The following ZDHHC11B variants were observed in gnomAD, a reference collection of about 807,000 sequenced individuals.
The protein encoded by ZDHHC11B is probable palmitoyltransferase ZDHHC11B.
In ZDHHC11B, 17 loss-of-function variants were observed where a neutral mutation model predicts 42.3. The ratio of observed to expected loss-of-function variants is 0.40; its 90% CI spans 0.27 to 0.60. The LOEUF is 0.60. ZDHHC11B is among the 20% of genes least tolerant of loss of function. The pLI is 0.41. For missense variants in ZDHHC11B, 262 were observed against 463.2 expected (o/e 0.57, Z 3.99); for synonymous variants, 123 against 193.5 (o/e 0.64, Z 3.02).
At position 761,953 on chromosome 5, in the gene ZDHHC11B, C is replaced by T. The variant is rs550090855; in HGVS notation, c.222+4745G>A. Among the ~76,000 whole-genome samples the T allele has an allele frequency of 6.4e-4, 90 of 141,510 alleles. 1 individual carries two copies. The highest frequency in any genetic ancestry group is 2.2e-3 in the African/African-American group (83 of 37,044). 92.8% of individuals were successfully genotyped at this position (141,510 alleles called of 152,430 possible). A position where few individuals can be genotyped will look rare whatever the true frequency, so the allele number is the denominator to read the frequency against. ...CACTCAACTCACAGCCCTGGGCAGC[C>T]ACTCACAGTCCTGGCTGGCCACTCA... On this transcript the variant is annotated intron_variant, in intron 4 of 13. Transcript: ENST00000508859.
chr5:775,640 G>A (rs1736411373), intron 1 of ZDHHC11B, among the ~76,000 whole-genome samples: 1 of 150,820 alleles, frequency 6.6e-6, no homozygotes, highest in Non-Finnish European at 1.5e-5. Flanking sequence ...GATGACAATG[G>A]GTTCCCTGGT....
intron 4 of ZDHHC11B, among the ~76,000 whole-genome samples, chr5:763,911 G>C (rs1210967399): frequency 2.0e-5 from 3 of 151,880 alleles, no homozygotes; most frequent in African/African-American, 4.8e-5. Flanking sequence ...TATAAAACAA[G>C]GTTAGCAAAA....
chr5:766,677 A>T, intron 4 of ZDHHC11B, 21 bp downstream of exon 4: 1 of 1,592,936 alleles, frequency 6.3e-7, no homozygotes, highest in South Asian at 1.1e-5. Context: ...CGCTTAGACC[A>T]TGCCACGATG....
chr5:721,184 G>A (rs1742155872), intron 12 of ZDHHC11B, among the ~76,000 whole-genome samples: 2 of 151,374 alleles, frequency 1.3e-5, no homozygotes, highest in Non-Finnish European at 1.5e-5. Context: ...TAACCACTAG[G>A]AAGATAATTA....
At chr5:771,896 C>A (rs2150234414) in intron 1 of ZDHHC11B, among the ~76,000 whole-genome samples, 1 of 147,558 alleles carries the variant, frequency 6.8e-6, no homozygotes, top group East Asian at 2.0e-4. Flanking sequence ...CCCGTGGGGC[C>A]CGCCTGGGAG....
In ZDHHC11B at chr5:766,204, C is replaced by G. The variant is rs527575496; in HGVS notation, c.222+494G>C. 5.9e-5 allele frequency among the ~76,000 whole-genome samples: 9 copies of G among 151,966 alleles called. No homozygotes were observed. The East Asian group carries it at 1.7e-3, about 29-fold the overall frequency. On this transcript the variant is annotated intron_variant, in intron 4 of 13. Transcript: ENST00000508859. ...GATGGGAGCAGACATGAGTCCCCGC[C>G]TGATGGGAGGTGAGAGCAGATGCAG...
rs1561192359 is a variant in ZDHHC11B at position 767,374 on chromosome 5, C to G, written c.-1+18G>C. ...GAAGCTGGACAGCAGCCAAGGGCTC[C>G]CCGGGGCCAACACCTGCCTCGGCGC... On this transcript the variant is annotated intron_variant, in intron 3 of 13. Transcript: ENST00000508859. The G allele has an allele frequency of 3.2e-6, 5 of 1,563,928 alleles. No individual in the cohort carries two copies. In the African/African-American group the frequency reaches 6.8e-5, roughly 21 times the overall value.
At chr5:722,957 T>A (rs888432387) in intron 12 of ZDHHC11B, among the ~76,000 whole-genome samples, 1 of 151,644 alleles carries the variant, frequency 6.6e-6, no homozygotes, top group Non-Finnish European at 1.5e-5. Context: ...ATTCAATGTA[T>A]TGCACGTATG....
chr5:775,848 C>T (rs1448906359), intron 1 of ZDHHC11B, among the ~76,000 whole-genome samples: 1 of 150,924 alleles, frequency 6.6e-6, no homozygotes, highest in Non-Finnish European at 1.5e-5. Flanking sequence ...GTGTTGCAAG[C>T]TGACTGGGAA....
At chr5:730,324 G>C in intron 12 of ZDHHC11B, 110 bp downstream of exon 12, 3 of 1,314,558 alleles carry the variant, frequency 2.3e-6, no homozygotes, top group Non-Finnish European at 3.1e-6. Flanking sequence ...TTTCCCTTAT[G>C]TCATCAGAAT....
rs750116006 is a variant in ZDHHC11B at position 745,144 on chromosome 5, C to T, written c.900+39G>A. 1.5e-5 allele frequency: 18 copies of T among 1,167,116 alleles called. 2 individuals carry two copies. The Admixed American group carries it at 3.7e-4, about 24-fold the overall frequency. The allele number at this position is 1,167,116 out of a possible 1,614,324, so 72.3% of individuals were successfully genotyped here. ...ACCACCGAGTGACCTTAGACATTGT[C>T]CCAGGCCTGGAGAAAAGGAGCAGAG... On this transcript the variant is annotated intron_variant, in intron 9 of 13. Coordinates refer to ENST00000508859, the MANE Select transcript of ZDHHC11B (RefSeq NM_001351303.2).
At chr5:724,371 A>ATT (rs386402805) in intron 12 of ZDHHC11B, among the ~76,000 whole-genome samples, 3,988 of 81,236 alleles carry the variant, frequency 0.049, 136 homozygotes, top group African/African-American at 0.082. Flanking sequence ...AACCCAGCTA[A>ATT]TTTTTTTTTT....
chr5:764,651 T>TG (rs2150212318), intron 4 of ZDHHC11B, among the ~76,000 whole-genome samples: 1 of 151,960 alleles, frequency 6.6e-6, no homozygotes, highest in South Asian at 2.1e-4. Context: ...CCCGCTGCCA[T>TG]GGGCTCCTGC....
intron 8 of ZDHHC11B, among the ~76,000 whole-genome samples, chr5:746,332 C>T (rs1218324486): frequency 3.4e-5 from 5 of 147,572 alleles, no homozygotes; most frequent in South Asian, 4.8e-4. Flanking sequence ...TCACAGGATG[C>T]GTCTCACCAC....
intron 1 of ZDHHC11B, among the ~76,000 whole-genome samples, chr5:779,135 G>C (rs1367592876): frequency 6.6e-6 from 1 of 151,442 alleles, no homozygotes; most frequent in Non-Finnish European, 1.5e-5. Context: ...GACTAACACA[G>C]TCGCCCTGAG....
intron 8 of ZDHHC11B, among the ~76,000 whole-genome samples, 193 bp from the exon 9 acceptor site, chr5:745,491 CTGA>C (rs1744684890): frequency 1.3e-5 from 2 of 149,916 alleles, no homozygotes; most frequent in South Asian, 4.4e-4. Context: ...CTGCAGCTAG[CTGA>C]TGGTCAGCAG....
chr5:744,610 C>T (rs1423990440), intron 9 of ZDHHC11B, among the ~76,000 whole-genome samples: 2 of 149,500 alleles, frequency 1.3e-5, no homozygotes, highest in African/African-American at 2.5e-5. Flanking sequence ...TACGGTGGCT[C>T]ATGCTTGTAA....
chr5:754,321 A>ATG lies in ZDHHC11B; in HGVS notation c.503+676_503+677insCA, dbSNP rs1561163469. Among the ~76,000 whole-genome samples, 18 of 116,380 alleles carry ATG rather than the reference A, an allele frequency of 1.5e-4. 1 individual carries two copies. Among genetic ancestry groups the ATG allele is most frequent in the African/African-American group, 3.8e-4 (13 of 33,798 alleles). 76.3% of individuals were successfully genotyped at this position (116,380 alleles called of 152,430 possible). A position where few individuals can be genotyped will look rare whatever the true frequency, so the allele number is the denominator to read the frequency against. On this transcript the variant is annotated intron_variant, in intron 6 of 13. Transcript: ENST00000508859. ...CACCTCTCGCCTATGAGCCTCCACC[A>ATG]CGCTCAGGGGAAAGACCTCTCATCT...
At chr5:760,705 A>T (rs1734491009) in intron 4 of ZDHHC11B, among the ~76,000 whole-genome samples, 1 of 151,812 alleles carries the variant, frequency 6.6e-6, no homozygotes, top group African/African-American at 2.4e-5. Flanking sequence ...CAAACACAGC[A>T]TTTTACACCC....
Sources: gnomAD v4.1 joint callset for allele counts (sites outside exome capture counted in the v4.1 genomes callset) on GRCh38, gnomAD v4.1.1 for gene constraint, MANE v1.5 for transcripts, NCBI Gene and HGNC (gene_info 2026-07-23, HGNC 2026-07-21) for gene names.